Variants in FILIP1L observed in about 807,000 individuals in gnomAD.
FILIP1L encodes filamin A-interacting protein 1-like.
In FILIP1L, 55 loss-of-function variants were observed where a neutral mutation model predicts 96.6. The ratio of observed to expected loss-of-function variants is 0.57; its 90% CI spans 0.46 to 0.71. FILIP1L has a LOEUF of 0.71. Among genes scored for constraint, FILIP1L ranks in the 30% least tolerant of loss-of-function variants. FILIP1L has a pLI of 0.00. For synonymous variants in FILIP1L, 467 were observed against 473.9 expected (o/e 0.99, Z 0.19); for missense variants, 1,304 against 1,321.2 (o/e 0.99, Z 0.20).
intron 1 of FILIP1L, among the ~76,000 whole-genome samples, chr3:99,975,282 G>C (rs1373786201): frequency 6.6e-6 from 1 of 152,198 alleles, no homozygotes; most frequent in Admixed American, 6.5e-5. Flanking sequence ...TCGAGGAACT[G>C]TTGTAAGTGC....
chr3:100,018,022 G>A (rs1710395018), intron 1 of FILIP1L, among the ~76,000 whole-genome samples: 1 of 152,016 alleles, frequency 6.6e-6, no homozygotes, highest in African/African-American at 2.4e-5. Context: ...GTTGTGCACA[G>A]TGACCAATAT....
chr3:100,064,718 T>C (rs886603836), intron 1 of FILIP1L, among the ~76,000 whole-genome samples: 45 of 152,228 alleles, frequency 3.0e-4, no homozygotes, highest in Admixed American at 1.3e-4. Flanking sequence ...TAAGGGCATG[T>C]TGGCAAATCA....
intron 4 of FILIP1L, chr3:99,876,291 G>C: frequency 4.8e-6 from 4 of 825,788 alleles, no homozygotes; most frequent in Non-Finnish European, 5.8e-6. Context: ...ACCCTCGGCC[G>C]CGGCGGCGGC....
intron 1 of FILIP1L, among the ~76,000 whole-genome samples, chr3:100,078,617 G>A (rs150866498): frequency 0.012 from 1,787 of 152,264 alleles, 23 homozygotes; most frequent in African/African-American, 0.026. Flanking sequence ...GGCCTGGCAT[G>A]GTGGCTCGCT....
chr3:100,075,891 A>G (rs2065842433), intron 1 of FILIP1L, among the ~76,000 whole-genome samples: 1 of 152,176 alleles, frequency 6.6e-6, no homozygotes, highest in Non-Finnish European at 1.5e-5. Flanking sequence ...CTTCTGGGGT[A>G]TTAGGATTCG....
At chr3:99,966,285 C>A (rs1398467467) in intron 1 of FILIP1L, among the ~76,000 whole-genome samples, 1 of 152,114 alleles carries the variant, frequency 6.6e-6, no homozygotes, top group African/African-American at 2.4e-5. Flanking sequence ...CAACTCCAGG[C>A]AGATCTCCTG....
chr3:100,099,968 C>T (rs1357889996), intron 1 of FILIP1L, among the ~76,000 whole-genome samples: 3 of 152,090 alleles, frequency 2.0e-5, no homozygotes, highest in African/African-American at 7.2e-5. Context: ...TTGAGACTAA[C>T]CACAACTGGG....
chr3:99,850,916 T>C lies in FILIP1L; in HGVS notation c.760A>G (p.Thr254Ala). The change falls in exon 5 of 6, where the codon ACC (threonine) becomes GCC (alanine). Residue 254 changes from threonine to alanine, a missense_variant. By Grantham distance (58) the Thr-to-Ala change is moderately conservative. Transcript: ENST00000477258. ...TCTTGGATTTTCTGTCTTTGAAGGG[T>C]GAGCTGTGCCGTCAGCCTTTGCTGT... The part of the protein sequence containing the change: ...DEQQRLTAQL[T>A]LQRQKIQELT... The C allele has an allele frequency of 6.2e-7, 1 of 1,614,214 alleles. No individual in the cohort carries two copies. The highest frequency in any genetic ancestry group is 8.5e-7 in the Non-Finnish European group (1 of 1,180,030).
At chr3:100,042,569 A>T (rs2065222668) in intron 1 of FILIP1L, among the ~76,000 whole-genome samples, 1 of 152,220 alleles carries the variant, frequency 6.6e-6, no homozygotes, top group Admixed American at 6.5e-5. Context: ...GAAATTGGTA[A>T]TCCATGTATG....
chr3:100,091,192 G>A (rs939155070), intron 1 of FILIP1L, among the ~76,000 whole-genome samples: 6 of 151,840 alleles, frequency 4.0e-5, no homozygotes, highest in Non-Finnish European at 8.8e-5. Flanking sequence ...GGCTGAGGCA[G>A]GAGAATGGCG....
Position 100,106,264 on chromosome 3 carries a change from T to C in FILIP1L, c.-11+7789A>G, listed in dbSNP as rs920667041. 4.6e-5 allele frequency among the ~76,000 whole-genome samples: 7 copies of C among 152,236 alleles called. No individual in the cohort carries two copies. The South Asian group carries it at 1.5e-3, about 32-fold the overall frequency. Reference sequence around the variant, plus strand: ...GCAAGCTTCCAGCTGTGGAATACTCTCCAGGGATTTACACTTGCAGATGAT... The same window carrying C: ...GCAAGCTTCCAGCTGTGGAATACTCCCCAGGGATTTACACTTGCAGATGAT... On this transcript the variant is annotated intron_variant, in intron 1 of 5. Coordinates refer to ENST00000477258, the MANE Select transcript of FILIP1L (RefSeq NM_001387850.1).
intron 4 of FILIP1L, among the ~76,000 whole-genome samples, chr3:99,872,526 T>C (rs1035146884): frequency 2.6e-5 from 4 of 152,150 alleles, no homozygotes; most frequent in East Asian, 1.9e-4. Context: ...GTCCCAATCA[T>C]ACACTTACCT....
chr3:99,960,254 T>C (rs1030050714), intron 1 of FILIP1L, among the ~76,000 whole-genome samples: 4 of 152,168 alleles, frequency 2.6e-5, no homozygotes, highest in Non-Finnish European at 5.9e-5. Context: ...TTTACACACC[T>C]AGTTTTTGTT....
intron 2 of FILIP1L, among the ~76,000 whole-genome samples, chr3:99,930,268 T>A (rs1423825633): frequency 1.3e-5 from 2 of 152,226 alleles, no homozygotes; most frequent in Non-Finnish European, 2.9e-5. Context: ...CTACTTTTTT[T>A]ATTATGTTTG....
chr3:100,112,851 C>T (rs748575867), intron 1 of FILIP1L, among the ~76,000 whole-genome samples: 1 of 152,146 alleles, frequency 6.6e-6, no homozygotes, highest in Non-Finnish European at 1.5e-5. Flanking sequence ...ATGAGAGTTT[C>T]ATAATAGTGT....
chr3:100,019,625 A>T (rs1409720232), intron 1 of FILIP1L, among the ~76,000 whole-genome samples: 1 of 152,170 alleles, frequency 6.6e-6, no homozygotes, highest in Non-Finnish European at 1.5e-5. Context: ...TTATTTCTAG[A>T]TATCTTGACT....
intron 1 of FILIP1L, among the ~76,000 whole-genome samples, chr3:100,091,798 G>T (rs1489677791): frequency 6.6e-6 from 1 of 152,142 alleles, no homozygotes; most frequent in Non-Finnish European, 1.5e-5. Context: ...CTTAAGACAG[G>T]ATTATTTGCT....
chr3:100,043,064 A>G (rs17393059), intron 1 of FILIP1L, among the ~76,000 whole-genome samples: 32,107 of 152,236 alleles, frequency 0.21, 3,523 homozygotes, highest in South Asian at 0.26. Context: ...CAATGTGAAG[A>G]TCAGTGACAG....
chr3:99,953,163 A>T (rs1223453372), intron 1 of FILIP1L, among the ~76,000 whole-genome samples: 3 of 152,174 alleles, frequency 2.0e-5, no homozygotes, highest in African/African-American at 7.2e-5. Flanking sequence ...ATTAAATAAT[A>T]TTATCTTTTT....
Sources: allele counts gnomAD v4.1 joint callset (sites outside exome capture counted in the v4.1 genomes callset), GRCh38; gene constraint gnomAD v4.1.1; transcripts MANE v1.5; gene names NCBI Gene and HGNC (gene_info 2026-07-23, HGNC 2026-07-21).